Variants in HDLBP observed in about 807,000 individuals in gnomAD.
The protein encoded by HDLBP is vigilin.
HDLBP carries 30 observed loss-of-function variants against 137.3 expected under a neutral mutation model. That is an observed-to-expected ratio of 0.22 (90% CI 0.16 to 0.30). The LOEUF is 0.30. Among genes scored for constraint, HDLBP ranks in the 10% least tolerant of loss-of-function variants. The pLI is 1.00. For synonymous variants in HDLBP, 606 were observed against 596.0 expected, an observed-to-expected ratio of 1.02 and a Z score of -0.24; for missense variants, 1,119 against 1,667.3, an observed-to-expected ratio of 0.67 and a Z score of 5.73.
intron 11 of HDLBP, chr2:241,250,493 TG>T (rs1220893587): frequency 1.3e-5 from 2 of 152,980 alleles, no homozygotes; most frequent in African/African-American, 4.8e-5. Flanking sequence ...AGCACTTCAC[TG>T]TGTCTGCAAG....
At chr2:241,311,999 G>C (rs2075770266) in intron 1 of HDLBP, among the ~76,000 whole-genome samples, 1 of 152,154 alleles carries the variant, frequency 6.6e-6, no homozygotes, top group South Asian at 2.1e-4. Flanking sequence ...TAGAGTTGGA[G>C]GCAAAGATCA....
At chr2:241,295,208 T>C (rs1384297420) in intron 1 of HDLBP, among the ~76,000 whole-genome samples, 3 of 152,134 alleles carry the variant, frequency 2.0e-5, no homozygotes, top group Non-Finnish European at 4.4e-5. Context: ...TTCTATGGAG[T>C]TTAACATCAG....
Position 241,315,273 on chromosome 2 carries a change from C to T in HDLBP, c.-103+297G>A, listed in dbSNP as rs1032261239. On this transcript the variant is annotated intron_variant, in intron 1 of 27. Transcript: ENST00000310931. The stretch of plus-strand genomic sequence containing the variant: ...CCCACGTGACGTGCGCGCAGCCAAT[C>T]CCAGAGAGGCCCCCCGATCATCGAG... 3 of 151,178 alleles carry T rather than the reference C, an allele frequency of 2.0e-5. No homozygotes were observed. In the Admixed American group the frequency reaches 2.1e-4, roughly 10 times the overall value. The allele number at this position is 151,178 out of a possible 1,614,324, so 9.4% of individuals were successfully genotyped here.
At chr2:241,254,960 C>G in intron 9 of HDLBP, 91 bp downstream of exon 9, 1 of 993,204 alleles carries the variant, frequency 1.0e-6, no homozygotes, top group Non-Finnish European at 1.6e-6. Context: ...TCAAGGGCAT[C>G]CACAGTACAA....
chr2:241,293,358 G>C (rs2075067050), intron 1 of HDLBP, among the ~76,000 whole-genome samples: 1 of 152,104 alleles, frequency 6.6e-6, no homozygotes, highest in Non-Finnish European at 1.5e-5. Flanking sequence ...AGCCATGCAT[G>C]ATGGCACACA....
chr2:241,253,579 G>A, intron 9 of HDLBP, 82 bp from the exon 10 acceptor site: 1 of 935,718 alleles, frequency 1.1e-6, no homozygotes. Context: ...GCTCTCTTCG[G>A]AGCGGCTTCT....
rs1453557924 is a variant in HDLBP, at chr2:241,272,222, G to A, written c.-102-3681C>T. On this transcript the variant is annotated intron_variant, in intron 1 of 27. Transcript: ENST00000310931. This position sits in a 1 kb window ranked among gnomAD's most constrained non-coding sequence, Gnocchi z 5.6. ...AGGTGCTGCGGGGGCCCCGCCGCCC[G>A]GTCTGCGCCCAGACCCCCGCCCCGC... 1 of 979,398 alleles carries A rather than the reference G, an allele frequency of 1.0e-6. No individual in the cohort carries two copies. The highest frequency in any genetic ancestry group is 1.1e-4 in the East Asian group (1 of 8,770). The allele number at this position is 979,398 out of a possible 1,614,324, so 60.7% of individuals were successfully genotyped here.
intron 27 of HDLBP, 49 bp downstream of exon 27, chr2:241,229,784 G>GGCCGCCC: frequency 6.7e-7 from 1 of 1,502,550 alleles, no homozygotes; most frequent in Non-Finnish European, 9.1e-7. Context: ...AAGCCCGCCT[G>GGCCGCCC]CCCGCCCACC....
At chr2:241,232,142 G>A (rs1339772335) in intron 24 of HDLBP, among the ~76,000 whole-genome samples, 2 of 152,188 alleles carry the variant, frequency 1.3e-5, no homozygotes, top group African/African-American at 4.8e-5. Context: ...GGCACCACCC[G>A]CGTGCTGCCA....
intron 9 of HDLBP, among the ~76,000 whole-genome samples, chr2:241,253,714 G>A (rs932705142): frequency 2.0e-5 from 3 of 152,162 alleles, no homozygotes; most frequent in Non-Finnish European, 4.4e-5. Context: ...GAATAATCCT[G>A]CCTCTCACTA....
At chr2:241,271,414 G>A (rs1474465319) in intron 1 of HDLBP, among the ~76,000 whole-genome samples, 3 of 152,176 alleles carry the variant, frequency 2.0e-5, no homozygotes, top group Non-Finnish European at 4.4e-5. Context: ...GCCCTAATAC[G>A]TGTAGAGCAA....
chr2:241,273,478 G>C, intron 1 of HDLBP: 2 of 568,082 alleles, frequency 3.5e-6, no homozygotes, highest in Non-Finnish European at 4.5e-6. Context: ...ACGCAGGACT[G>C]GGCGGAACGG....
chr2:241,279,348 T>A (rs907829557), intron 1 of HDLBP, among the ~76,000 whole-genome samples: 13 of 152,118 alleles, frequency 8.5e-5, no homozygotes, highest in African/African-American at 2.2e-4. Context: ...TAAAAAAAAT[T>A]ATTTATATAC....
Position 241,233,580 on chromosome 2 carries a change from G to T in HDLBP, c.3288+240C>A, listed in dbSNP as rs1333786605. ...AGCTGGAGCTCCTGCTCATTTTCTG[G>T]AAGGAGACGCAGGAGAAAATGCTCC... On this transcript the variant is annotated intron_variant, in intron 24 of 27. Coordinates refer to ENST00000310931, the MANE Select transcript of HDLBP (RefSeq NM_005336.6). The surrounding 1 kb of genome is among the most constrained non-coding windows in gnomAD (Gnocchi z 4.3). Among the ~76,000 whole-genome samples the T allele has an allele frequency of 6.6e-6, 1 of 152,094 alleles. No homozygotes were observed. Among genetic ancestry groups the T allele is most frequent in the Non-Finnish European group, 1.5e-5 (1 of 68,018 alleles).
chr2:241,268,363 AG>A, intron 2 of HDLBP, 113 bp downstream of exon 2: 2 of 618,958 alleles, frequency 3.2e-6, no homozygotes, highest in Non-Finnish European at 4.0e-6. Flanking sequence ...AGAAACTTGA[AG>A]GTGTGATATA....
chr2:241,295,867 A>G (rs578193539), intron 1 of HDLBP, among the ~76,000 whole-genome samples: 81 of 152,310 alleles, frequency 5.3e-4, no homozygotes, highest in African/African-American at 1.9e-3. Context: ...ACGAAGAAGC[A>G]AAGAACAATC....
chr2:241,244,518 G>A (rs2071516317), intron 16 of HDLBP, among the ~76,000 whole-genome samples: 1 of 152,178 alleles, frequency 6.6e-6, no homozygotes, highest in South Asian at 2.1e-4. Flanking sequence ...GAAACAACAG[G>A]AGACGGCAAT....
chr2:241,267,533 C>T, intron 2 of HDLBP: 2 of 1,514,488 alleles, frequency 1.3e-6, no homozygotes, highest in Non-Finnish European at 1.8e-6. Flanking sequence ...GGATCGTTCT[C>T]CTAACAGCGA....
At chr2:241,260,246 T>C (rs1041426721) in intron 5 of HDLBP, among the ~76,000 whole-genome samples, 3 of 152,152 alleles carry the variant, frequency 2.0e-5, no homozygotes, top group Non-Finnish European at 4.4e-5. Flanking sequence ...CCTGAGGTGA[T>C]CTGCCCGCCT....
Sources: gnomAD v4.1 joint callset for allele counts (sites outside exome capture counted in the v4.1 genomes callset) on GRCh38, gnomAD v4.1.1 for gene constraint, Gnocchi (gnomAD v3.1) non-coding constraint, MANE v1.5 for transcripts, NCBI Gene and HGNC (gene_info 2026-07-23, HGNC 2026-07-21) for gene names.